NME8: variants seen among roughly 807,000 people sequenced by gnomAD.
NME8 encodes protein NME8.
Under a neutral mutation model 82.3 loss-of-function variants are expected in NME8, and 72 were observed. The ratio of observed to expected loss-of-function variants is 0.87; its 90% CI spans 0.72 to 1.06. The LOEUF (loss-of-function observed/expected upper bound fraction) is 1.06, where lower values mean the gene tolerates loss of function less well. Among genes scored for constraint, NME8 ranks in the 50% least tolerant of loss-of-function variants. The probability of loss-of-function intolerance (pLI) is 0.00; values close to 1 mark genes in which losing one functional copy is unlikely to be tolerated. For missense variants in NME8, 712 were observed against 685.4 expected (o/e 1.04, Z -0.43); for synonymous variants, 267 against 228.5 (o/e 1.17, Z -1.52).
intron 6 of NME8, among the ~76,000 whole-genome samples, chr7:37,859,805 G>T (rs1265378489): frequency 6.6e-6 from 1 of 152,076 alleles, no homozygotes; most frequent in Non-Finnish European, 1.5e-5. Context: ...TTGACCTCCT[G>T]GCTGCTAATA....
At chr7:37,870,787 T>C (rs969132610) in intron 11 of NME8, among the ~76,000 whole-genome samples, 16 of 152,024 alleles carry the variant, frequency 1.1e-4, no homozygotes, top group African/African-American at 3.1e-4. Flanking sequence ...CTCCAACTAA[T>C]ATACTTTTTG....
At chr7:37,864,482 A>G (rs1157041750) in intron 9 of NME8, 61 bp downstream of exon 9, 1 of 1,441,794 alleles carries the variant, frequency 6.9e-7, no homozygotes, top group South Asian at 1.2e-5. Flanking sequence ...CTTAATCGTC[A>G]GTTCAAAGAC....
chr7:37,856,197 C>T (rs1784508783), intron 5 of NME8, among the ~76,000 whole-genome samples: 1 of 152,148 alleles, frequency 6.6e-6, no homozygotes, highest in African/African-American at 2.4e-5. Context: ...CCTTAGATTA[C>T]AAAAACCAAC....
At chr7:37,867,966 A>C in intron 11 of NME8, 68 bp downstream of exon 11, 1 of 1,309,510 alleles carries the variant, frequency 7.6e-7, no homozygotes. Flanking sequence ...TAGTGTAGGC[A>C]CCTCAGTACC....
chr7:37,861,607 C>A (rs562290004), intron 6 of NME8, among the ~76,000 whole-genome samples: 3 of 152,024 alleles, frequency 2.0e-5, no homozygotes, highest in Admixed American at 2.0e-4. Context: ...GTGCCTGGTA[C>A]GGCACCAGTA....
chr7:37,852,980 A>G (rs1784457632), intron 5 of NME8, among the ~76,000 whole-genome samples: 5 of 152,224 alleles, frequency 3.3e-5, no homozygotes. Flanking sequence ...CTGTTGGTCC[A>G]CATTCTCACC....
At chr7:37,888,182 G>A in intron 14 of NME8, 95 bp from the exon 15 acceptor site, 2 of 1,243,132 alleles carry the variant, frequency 1.6e-6, no homozygotes, top group Non-Finnish European at 2.4e-6. Flanking sequence ...GGAATTATTT[G>A]CTGTTATTTG....
intron 16 of NME8, among the ~76,000 whole-genome samples, chr7:37,895,998 G>A (rs1480735471): frequency 1.3e-5 from 2 of 152,118 alleles, no homozygotes; most frequent in South Asian, 2.1e-4. Context: ...GAAAGTATCT[G>A]CATTATTAAG....
chr7:37,872,085 C>G (rs1784774343), intron 11 of NME8, among the ~76,000 whole-genome samples: 1 of 151,290 alleles, frequency 6.6e-6, no homozygotes, highest in South Asian at 2.1e-4. Context: ...CTCCTGAACT[C>G]CCCAGAAAAC....
At chr7:37,898,032 G>T (rs1374256892) in intron 17 of NME8, among the ~76,000 whole-genome samples, 1 of 152,134 alleles carries the variant, frequency 6.6e-6, no homozygotes, top group African/African-American at 2.4e-5. Context: ...GAAATTACTG[G>T]ATCAAATGGT....
chr7:37,891,879 A>G (rs2100250), intron 15 of NME8, among the ~76,000 whole-genome samples: 3,651 of 152,050 alleles, frequency 0.024, 206 homozygotes, highest in Admixed American at 0.12. Context: ...ATGATATCCT[A>G]TTACCTTTGT....
chr7:37,851,538 T>A (rs900681253), intron 5 of NME8, among the ~76,000 whole-genome samples: 2 of 152,174 alleles, frequency 1.3e-5, no homozygotes, highest in Admixed American at 6.6e-5. Context: ...CATTAGATTT[T>A]AAAAATTTAA....
intron 14 of NME8, among the ~76,000 whole-genome samples, chr7:37,887,098 A>G (rs1785053045): frequency 6.6e-6 from 1 of 152,194 alleles, no homozygotes; most frequent in Non-Finnish European, 1.5e-5. Context: ...TTTGCTACTG[A>G]AATATGCATA....
chr7:37,850,599 T>A lies in NME8; in HGVS notation c.92-30T>A, dbSNP rs150406326. On this transcript the variant is annotated intron_variant, in intron 4 of 17. Transcript: ENST00000199447. The stretch of plus-strand genomic sequence containing the variant: ...ACTGCTATCCTAGATTGGTAGACTT[T>A]GTTATTTCATAAATATCATCATCTT... The A allele has an allele frequency of 1.4e-4, 221 of 1,563,908 alleles. No homozygotes were observed. The East Asian group carries it at 3.8e-3, about 27-fold the overall frequency.
Position 37,856,752 on chromosome 7 carries a change from T to C in NME8, c.199-522T>C, listed in dbSNP as rs562243504. ...GGAATGTTTAGTAAACCTCTTTTAATGTATGGCCCTATGACTGACAGAGGG... is the reference window on the plus strand; with the variant it reads ...GGAATGTTTAGTAAACCTCTTTTAACGTATGGCCCTATGACTGACAGAGGG... On this transcript the variant is annotated intron_variant, in intron 5 of 17. Coordinates refer to ENST00000199447, the MANE Select transcript of NME8 (RefSeq NM_016616.5). Among the ~76,000 whole-genome samples, 5 of 152,298 alleles carry C rather than the reference T, an allele frequency of 3.3e-5. No individual in the cohort carries two copies. In the South Asian group the frequency reaches 6.2e-4, roughly 19 times the overall value.
chr7:37,894,894 C>G (rs1264915106), intron 16 of NME8, among the ~76,000 whole-genome samples: 2 of 150,808 alleles, frequency 1.3e-5, no homozygotes, highest in African/African-American at 2.4e-5. Flanking sequence ...CCTTTCCTTT[C>G]TTTTCCTTTC....
chr7:37,882,613 G>GAGAAAGAA lies in NME8; in HGVS notation c.995-1666_995-1659dup, dbSNP rs1170328713. 7.8e-4 allele frequency among the ~76,000 whole-genome samples: 66 copies of GAGAAAGAA among 85,110 alleles called. 1 individual carries two copies. The highest frequency in any genetic ancestry group is 2.1e-3 in the African/African-American group (59 of 27,762). The allele number at this position is 85,110 out of a possible 152,430, so 55.8% of individuals were successfully genotyped here. A position where few individuals can be genotyped will look rare whatever the true frequency, so the allele number is the denominator to read the frequency against. ...AAAGAAAGAAAGAGAGAGAGAGAGA[G>GAGAAAGAA]AGAAAGAAAGAAAGAAAGAAAGAAA... On this transcript the variant is annotated intron_variant, in intron 12 of 17. Coordinates refer to ENST00000199447, the MANE Select transcript of NME8 (RefSeq NM_016616.5).
intron 6 of NME8, among the ~76,000 whole-genome samples, chr7:37,858,075 T>A (rs1033335738): frequency 4.6e-5 from 7 of 151,988 alleles, no homozygotes; most frequent in African/African-American, 1.7e-4. Context: ...AAAATATAAA[T>A]GAATAATTAG....
At chr7:37,887,656 A>AT (rs1164270634) in intron 14 of NME8, among the ~76,000 whole-genome samples, 1 of 152,194 alleles carries the variant, frequency 6.6e-6, no homozygotes, top group Non-Finnish European at 1.5e-5. Flanking sequence ...CATCTATATC[A>AT]GTCTGTTCTC....
Sources: gnomAD v4.1 joint callset for allele counts (sites outside exome capture counted in the v4.1 genomes callset) on GRCh38, gnomAD v4.1.1 for gene constraint, MANE v1.5 for transcripts, NCBI Gene and HGNC (gene_info 2026-07-23, HGNC 2026-07-21) for gene names.